The following SETDB2 variants were observed in gnomAD, a reference collection of about 807,000 sequenced individuals.
The protein encoded by SETDB2 is SET domain bifurcated histone lysine methyltransferase 2.
A neutral mutation model predicts 82.5 loss-of-function variants in SETDB2; 56 were observed. That is an observed-to-expected ratio of 0.68 (90% CI 0.55 to 0.85). The LOEUF is 0.85. Ranked by LOEUF, SETDB2 falls within the 40% of genes least tolerant of loss-of-function variation. The probability of loss-of-function intolerance (pLI) is 0.00; values close to 1 mark genes in which losing one functional copy is unlikely to be tolerated. For synonymous variants in SETDB2, 272 were observed against 284.9 expected (o/e 0.95, Z 0.46); for missense variants, 677 against 816.4 (o/e 0.83, Z 2.08).
Position 49,451,900 on chromosome 13 carries a change from G to A in SETDB2, c.7G>A (p.Glu3Lys). 3 of 1,591,744 alleles carry A rather than the reference G, an allele frequency of 1.9e-6. No individual in the cohort carries two copies. The highest frequency in any genetic ancestry group is 1.7e-5 in the Admixed American group (1 of 57,742). The part of the protein sequence containing the change: MG[E>K]KNGDAKTFWM... Reference sequence around the variant, plus strand: ...TTATAAGCGACATCAAAAGATGGGAGAAAAAAATGGTAGGTTGAAGAACAC... The same window carrying A: ...TTATAAGCGACATCAAAAGATGGGAAAAAAAAATGGTAGGTTGAAGAACAC... Residue 3 changes from glutamate (E) to lysine (K), a missense_variant, in exon 2 of 14, where the codon GAA becomes AAA. Physicochemically the swap from Glu to Lys is moderately conservative, Grantham distance 56. Transcript: ENST00000611815.
intron 2 of SETDB2, among the ~76,000 whole-genome samples, chr13:49,453,134 C>G (rs7982297): frequency 1.3e-5 from 2 of 152,040 alleles, no homozygotes; most frequent in African/African-American, 4.8e-5. Flanking sequence ...ATTTATCTCT[C>G]TCTCTTCTTC....
chr13:49,468,501 A>G (rs1467484087), intron 5 of SETDB2, among the ~76,000 whole-genome samples: 1 of 151,750 alleles, frequency 6.6e-6, no homozygotes, highest in African/African-American at 2.4e-5. Flanking sequence ...TTTAGTAGGT[A>G]ATACCTGGGC....
chr13:49,486,062 C>G (rs1043642465), intron 11 of SETDB2, among the ~76,000 whole-genome samples: 1 of 152,076 alleles, frequency 6.6e-6, no homozygotes, highest in South Asian at 2.1e-4. Flanking sequence ...AGCTCACGCC[C>G]GTAATCTTAG....
At chr13:49,447,243 A>G (rs1396276053) in intron 1 of SETDB2, among the ~76,000 whole-genome samples, 1 of 152,106 alleles carries the variant, frequency 6.6e-6, no homozygotes, top group African/African-American at 2.4e-5. Flanking sequence ...ATGGTTAATT[A>G]TGCCTCCTTT....
intron 8 of SETDB2, chr13:49,481,987 CAGAGTAGTCACACGTAT>C (rs1158135080): frequency 3.5e-6 from 3 of 861,996 alleles, no homozygotes; most frequent in Non-Finnish European, 4.2e-6. Flanking sequence ...TTGCAGAGTT[CAGAGTAGTCACACGTAT>C]GGATCCCTGC....
At chr13:49,466,438 TA>T (rs35416562) in intron 4 of SETDB2, among the ~76,000 whole-genome samples, 3,222 of 138,342 alleles carry the variant, frequency 0.023, 71 homozygotes, top group African/African-American at 0.063. Context: ...CTTGTGTCTT[TA>T]AAAAAAAAAA....
At position 49,491,679 on chromosome 13, in the gene SETDB2, A is replaced by G. The variant is rs1219943624; in HGVS notation, c.2007-53A>G. ...TATGAAAATTGATATAATTTGGTTCATTGGTAGTTATTTAGGGTATTTTAT... is the reference window on the plus strand; with the variant it reads ...TATGAAAATTGATATAATTTGGTTCGTTGGTAGTTATTTAGGGTATTTTAT... On this transcript the variant is annotated intron_variant, in intron 13 of 13. Transcript: ENST00000611815. 5 of 1,284,140 alleles carry G rather than the reference A, an allele frequency of 3.9e-6. No homozygotes were observed. In the Admixed American group the frequency reaches 7.2e-5, roughly 19 times the overall value. 79.5% of individuals were successfully genotyped at this position (1,284,140 alleles called of 1,614,324 possible).
At chr13:49,445,049 C>T (rs1957632950) in intron 1 of SETDB2, among the ~76,000 whole-genome samples, 192 bp downstream of exon 1, 1 of 152,198 alleles carries the variant, frequency 6.6e-6, no homozygotes, top group South Asian at 2.1e-4. Flanking sequence ...AATACTAACA[C>T]ATGAGGCCAA....
At position 49,466,811 on chromosome 13, in the gene SETDB2, C is replaced by CTTT. The variant is rs3039228; in HGVS notation, c.209-1035_209-1033dup. 4.3e-3 allele frequency among the ~76,000 whole-genome samples: 500 copies of CTTT among 116,740 alleles called. 18 individuals carry two copies. Among genetic ancestry groups the CTTT allele is most frequent in the African/African-American group, 6.7e-3 (201 of 30,218 alleles). 76.6% of individuals were successfully genotyped at this position (116,740 alleles called of 152,430 possible). A position where few individuals can be genotyped will look rare whatever the true frequency, so the allele number is the denominator to read the frequency against. ...GGCATGCGCCACCATGCCTGGCTAA[C>CTTT]TTTTTTTTTTTTTTTTTTTTCTGTC... is the stretch of plus-strand genomic sequence containing the variant. On this transcript the variant is annotated intron_variant, in intron 4 of 13. Transcript: ENST00000611815.
intron 7 of SETDB2, among the ~76,000 whole-genome samples, 156 bp downstream of exon 7, chr13:49,480,491 T>C (rs918408377): frequency 2.0e-5 from 3 of 152,342 alleles, no homozygotes; most frequent in African/African-American, 4.8e-5. Context: ...TGTGTATTGT[T>C]CGTGGAAATG....
At chr13:49,471,420 CTTTTTT>C (rs200346844) in intron 5 of SETDB2, among the ~76,000 whole-genome samples, 36 of 132,796 alleles carry the variant, frequency 2.7e-4, no homozygotes, top group Admixed American at 7.5e-4. Context: ...TCTGAATTCC[CTTTTTT>C]TTTTTTTTTT....
chr13:49,478,702 A>G (rs1212973572), intron 6 of SETDB2, among the ~76,000 whole-genome samples: 2 of 152,126 alleles, frequency 1.3e-5, no homozygotes, highest in Non-Finnish European at 2.9e-5. Context: ...TGAGGTAGGA[A>G]CATCATTTGA....
intron 10 of SETDB2, among the ~76,000 whole-genome samples, chr13:49,484,520 T>C (rs1370020144): frequency 6.6e-6 from 1 of 152,176 alleles, no homozygotes; most frequent in Non-Finnish European, 1.5e-5. Context: ...TCCACCCACT[T>C]TGGCCTCCCG....
intron 1 of SETDB2, among the ~76,000 whole-genome samples, chr13:49,450,531 T>C (rs1957766332): frequency 6.6e-6 from 1 of 152,236 alleles, no homozygotes; most frequent in Admixed American, 6.5e-5. Flanking sequence ...GACTCTCAGT[T>C]GTGCATTAAT....
chr13:49,483,609 A>ATTTTT (rs745508872), intron 10 of SETDB2, 46 bp downstream of exon 10: 14 of 220,512 alleles, frequency 6.3e-5, no homozygotes, highest in Admixed American at 1.3e-4. Context: ...TCTTTTTTAA[A>ATTTTT]TTTTTTTTTT....
intron 4 of SETDB2, among the ~76,000 whole-genome samples, chr13:49,463,131 G>T (rs893608173): frequency 6.6e-6 from 1 of 151,564 alleles, no homozygotes; most frequent in South Asian, 2.1e-4. Context: ...CCAGCCTCCC[G>T]AGTAGCTGGG....
intron 5 of SETDB2, among the ~76,000 whole-genome samples, chr13:49,471,627 T>G (rs1018868020): frequency 6.6e-6 from 1 of 151,954 alleles, no homozygotes; most frequent in Non-Finnish European, 1.5e-5. Flanking sequence ...TTACATGACA[T>G]GCACACAAAC....
chr13:49,491,692 T>C (rs368150713), intron 13 of SETDB2, 40 bp from the exon 14 acceptor site: 1 of 1,403,940 alleles, frequency 7.1e-7, no homozygotes, highest in Non-Finnish European at 1.0e-6. Flanking sequence ...GGTAGTTATT[T>C]AGGGTATTTT....
intron 1 of SETDB2, among the ~76,000 whole-genome samples, chr13:49,449,435 G>A (rs1160729504): frequency 6.6e-6 from 1 of 152,084 alleles, no homozygotes; most frequent in Non-Finnish European, 1.5e-5. Context: ...ATTTTTGGTA[G>A]AGATGGGATT....
Sources: gnomAD v4.1 joint callset for allele counts (sites outside exome capture counted in the v4.1 genomes callset) on GRCh38, gnomAD v4.1.1 for gene constraint, MANE v1.5 for transcripts, NCBI Gene and HGNC (gene_info 2026-07-23, HGNC 2026-07-21) for gene names.